Variants in PDE4B observed in about 807,000 individuals in gnomAD.
PDE4B encodes phosphodiesterase 4B, also known as 3',5'-cyclic-AMP phosphodiesterase 4B.
A neutral mutation model predicts 82.2 loss-of-function variants in PDE4B; 20 were observed. That is an observed-to-expected ratio of 0.24 (90% CI 0.17 to 0.35). PDE4B has a LOEUF of 0.35. Ranked by LOEUF, PDE4B falls within the 10% of genes least tolerant of loss-of-function variation. The pLI, the probability that PDE4B is intolerant of heterozygous loss-of-function variation, is 1.00. For missense variants in PDE4B, 655 were observed against 907.2 expected (o/e 0.72, Z 3.57); for synonymous variants, 320 against 318.9 (o/e 1.00, Z -0.04).
intron 1 of PDE4B, among the ~76,000 whole-genome samples, chr1:65,877,207 T>G (rs1386021846): frequency 6.6e-6 from 1 of 152,158 alleles, no homozygotes; most frequent in Non-Finnish European, 1.5e-5. Context: ...AACAGACATA[T>G]AGACCAATGG....
At chr1:66,027,426 G>C (rs184319215) in intron 3 of PDE4B, among the ~76,000 whole-genome samples, 2 of 152,220 alleles carry the variant, frequency 1.3e-5, no homozygotes, top group East Asian at 1.9e-4. Context: ...AATTCAAATT[G>C]AGATTTGGAT....
intron 3 of PDE4B, among the ~76,000 whole-genome samples, chr1:66,184,984 C>A (rs1275497303): frequency 6.6e-6 from 1 of 151,990 alleles, no homozygotes; most frequent in Non-Finnish European, 1.5e-5. Flanking sequence ...TGCTATCCCT[C>A]CCCCCTCCTC....
At chr1:65,947,159 A>G (rs1648755618) in intron 3 of PDE4B, among the ~76,000 whole-genome samples, 1 of 152,198 alleles carries the variant, frequency 6.6e-6, no homozygotes, top group African/African-American at 2.4e-5. Context: ...TGTGCTGACA[A>G]TGTTATGACA....
intron 1 of PDE4B, among the ~76,000 whole-genome samples, chr1:65,833,981 A>T (rs1208674608): frequency 6.6e-6 from 1 of 152,200 alleles, no homozygotes; most frequent in Non-Finnish European, 1.5e-5. Context: ...TGGATATATT[A>T]TATAATGATG....
chr1:65,856,514 T>C (rs1416662067), intron 1 of PDE4B, among the ~76,000 whole-genome samples: 1 of 152,212 alleles, frequency 6.6e-6, no homozygotes, highest in Non-Finnish European at 1.5e-5. Context: ...CATGAACTCA[T>C]TCATTGTATG....
intron 3 of PDE4B, among the ~76,000 whole-genome samples, chr1:66,034,580 AAGGGGAGAAGGCAT>A (rs1653966720): frequency 6.6e-6 from 1 of 152,230 alleles, no homozygotes. Context: ...AAGGGCAGAA[AAGGGGAGAAGGCAT>A]ACAGACATTG....
intron 3 of PDE4B, among the ~76,000 whole-genome samples, chr1:66,203,224 C>G (rs1237830084): frequency 1.3e-5 from 2 of 152,122 alleles, no homozygotes; most frequent in Admixed American, 6.5e-5. Context: ...TCTGCTGTTA[C>G]TCTGATGGGC....
intron 3 of PDE4B, among the ~76,000 whole-genome samples, chr1:66,023,320 T>G (rs1172895679): frequency 6.6e-5 from 10 of 152,188 alleles, no homozygotes; most frequent in Non-Finnish European, 1.5e-5. Context: ...TATTTTTGGG[T>G]TCCTCAAAGT....
In PDE4B at chr1:66,023,137, G is replaced by A. The variant is rs572279630; in HGVS notation, c.281+104302G>A. Among the ~76,000 whole-genome samples the A allele has an allele frequency of 1.9e-4, 29 of 152,204 alleles. No individual in the cohort carries two copies. The South Asian group carries it at 3.3e-3, about 17-fold the overall frequency. ...ATCTTTGATTTGTTAAGGTGCTACT[G>A]AGGCTTTTTGTTGTCTTAGCTTTAG... On this transcript the variant is annotated intron_variant, in intron 3 of 16. Transcript: ENST00000341517.
chr1:65,832,409 T>A (rs1646093381), intron 1 of PDE4B, among the ~76,000 whole-genome samples: 1 of 152,184 alleles, frequency 6.6e-6, no homozygotes, highest in Non-Finnish European at 1.5e-5. Flanking sequence ...CGAGAGTGAT[T>A]TAAATTAAAT....
At chr1:66,031,599 G>T (rs748226750) in intron 3 of PDE4B, among the ~76,000 whole-genome samples, 2 of 152,008 alleles carry the variant, frequency 1.3e-5, no homozygotes, top group Non-Finnish European at 2.9e-5. Flanking sequence ...TTTAATTATT[G>T]ATCAGCTGTC....
intron 3 of PDE4B, among the ~76,000 whole-genome samples, chr1:66,115,629 A>G (rs1450390964): frequency 2.0e-5 from 3 of 152,250 alleles, no homozygotes; most frequent in Admixed American, 1.3e-4. Context: ...GGGGCGTCCC[A>G]GTAGGCACAT....
intron 7 of PDE4B, among the ~76,000 whole-genome samples, chr1:66,311,817 G>A (rs1658691462): frequency 6.6e-6 from 1 of 152,220 alleles, no homozygotes; most frequent in South Asian, 2.1e-4. Flanking sequence ...GGCAGAGAGT[G>A]GAGACAGAGG....
At chr1:66,182,513 A>G (rs555642940) in intron 3 of PDE4B, among the ~76,000 whole-genome samples, 3 of 151,816 alleles carry the variant, frequency 2.0e-5, no homozygotes, top group Admixed American at 2.0e-4. Context: ...AAATATTGCT[A>G]GGGAAAAAGC....
At chr1:65,867,072 G>A (rs969089130) in intron 1 of PDE4B, among the ~76,000 whole-genome samples, 2 of 151,978 alleles carry the variant, frequency 1.3e-5, no homozygotes, top group Admixed American at 1.3e-4. Flanking sequence ...ATAAAATGAG[G>A]TATAGATGGA....
At chr1:66,347,216 T>A (rs1226473624) in intron 8 of PDE4B, among the ~76,000 whole-genome samples, 1 of 152,198 alleles carries the variant, frequency 6.6e-6, no homozygotes, top group Non-Finnish European at 1.5e-5. Context: ...GGTGCATTGT[T>A]GTTCAAAGCA....
At chr1:66,134,697 C>G (rs1184300217) in intron 3 of PDE4B, among the ~76,000 whole-genome samples, 2 of 152,150 alleles carry the variant, frequency 1.3e-5, no homozygotes, top group Non-Finnish European at 2.9e-5. Context: ...CGATTTTGTT[C>G]TGAGAGTCAA....
chr1:66,148,938 G>A (rs1302578253), intron 3 of PDE4B, among the ~76,000 whole-genome samples: 1 of 152,072 alleles, frequency 6.6e-6, no homozygotes, highest in South Asian at 2.1e-4. Flanking sequence ...TCTAGTTTTT[G>A]ACTATCATGA....
chr1:65,882,310 A>G (rs1017908811), intron 1 of PDE4B, among the ~76,000 whole-genome samples: 3 of 152,200 alleles, frequency 2.0e-5, no homozygotes, highest in Admixed American at 6.6e-5. Context: ...TGACTTTCAG[A>G]ATTCTGAGCT....
Sources: allele counts gnomAD v4.1 joint callset (sites outside exome capture counted in the v4.1 genomes callset), GRCh38; gene constraint gnomAD v4.1.1; transcripts MANE v1.5; gene names NCBI Gene and HGNC (gene_info 2026-07-23, HGNC 2026-07-21).